SOX6: variants seen among roughly 807,000 people sequenced by gnomAD.
SOX6 encodes the protein transcription factor SOX-6.
A neutral mutation model predicts 97.8 loss-of-function variants in SOX6; 11 were observed. The ratio of observed to expected loss-of-function variants is 0.11; its 90% confidence interval spans 0.07 to 0.19. The LOEUF is 0.19. Ranked by LOEUF, SOX6 falls within the 10% of genes least tolerant of loss-of-function variation. The probability of loss-of-function intolerance (pLI) is 1.00; values close to 1 mark genes in which losing one functional copy is unlikely to be tolerated. For missense variants in SOX6, 810 were observed against 1,039.5 expected (o/e 0.78, Z 3.04); for synonymous variants, 360 against 371.4 (o/e 0.97, Z 0.35).
At chr11:16,614,054 G>C (rs990629623) in intron 3 of SOX6, among the ~76,000 whole-genome samples, 3 of 152,196 alleles carry the variant, frequency 2.0e-5, no homozygotes, top group Non-Finnish European at 4.4e-5. Context: ...GCCGGGAATC[G>C]AGCGAAGGCG....
chr11:16,111,899 T>C lies in SOX6; in HGVS notation c.802A>G (p.Met268Val). ...TGGTCATGTGGAAAAATTGGGATCA[T>C]GAGCGGAGGCATGTGACCCTGAACC... is the stretch of plus-strand genomic sequence containing the variant. ...IQVQGHMPPL[M>V]IPIFPHDQRT... Residue 268 changes from methionine to valine, a missense_variant, in exon 7 of 16, where the codon ATG (methionine) becomes GTG (valine). Coordinates refer to ENST00000683767, the MANE Select transcript of SOX6 (RefSeq NM_001367873.1). 6 of 1,612,446 alleles carry C rather than the reference T, an allele frequency of 3.7e-6. No individual in the cohort carries two copies. Among genetic ancestry groups the C allele is most frequent in the South Asian group, 1.1e-5 (1 of 90,998 alleles).
At chr11:16,608,308 CAGA>C (rs1454021245) in intron 4 of SOX6, among the ~76,000 whole-genome samples, 3 of 151,954 alleles carry the variant, frequency 2.0e-5, no homozygotes, top group Non-Finnish European at 4.4e-5. Flanking sequence ...AGTTAGGTGA[CAGA>C]AGGAGGCATG....
chr11:16,638,565 T>C lies in SOX6; in HGVS notation n.430-26305A>G, dbSNP rs574480898. Among the ~76,000 whole-genome samples the C allele has an allele frequency of 2.0e-5, 3 of 152,286 alleles. No homozygotes were observed. The South Asian group carries it at 6.2e-4, about 32-fold the overall frequency. ...GTAAAAGTGTTCCTATTTCTCCACA[T>C]CCTCTCCAGCACCTGTTGTTTCCTG... On this transcript the variant is annotated intron_variant and non_coding_transcript_variant, in intron 3 of 5. Coordinates refer to the SOX6 transcript ENST00000524520.
intron 2 of SOX6, among the ~76,000 whole-genome samples, chr11:16,727,069 C>A (rs1390253538): frequency 1.3e-5 from 2 of 151,994 alleles, no homozygotes; most frequent in South Asian, 4.1e-4. Flanking sequence ...TCAGATAATT[C>A]AAAGTTCAAA....
At chr11:16,141,529 G>A (rs1202930115) in intron 6 of SOX6, among the ~76,000 whole-genome samples, 1 of 152,112 alleles carries the variant, frequency 6.6e-6, no homozygotes, top group Non-Finnish European at 1.5e-5. Context: ...AGGACACTGG[G>A]TGCAGCTCAC....
intron 1 of SOX6, chr11:16,433,999 A>G (rs1179446380): frequency 6.6e-6 from 1 of 152,094 alleles, no homozygotes; most frequent in African/African-American, 2.4e-5. Flanking sequence ...CTTAGGCCAC[A>G]TCACTTTCTC....
chr11:16,423,820 G>C (rs1859068960), intron 1 of SOX6, among the ~76,000 whole-genome samples: 1 of 152,134 alleles, frequency 6.6e-6, no homozygotes, highest in African/African-American at 2.4e-5. Context: ...CTCCTAGAAA[G>C]TACAGAGTGA....
chr11:16,525,342 T>C (rs1360438956), intron 4 of SOX6, among the ~76,000 whole-genome samples: 2 of 150,450 alleles, frequency 1.3e-5, no homozygotes, highest in Admixed American at 6.6e-5. Flanking sequence ...TCTACAACTA[T>C]CTGATCTTTG....
chr11:16,621,679 C>T (rs1026946796), intron 3 of SOX6, among the ~76,000 whole-genome samples: 1 of 152,154 alleles, frequency 6.6e-6, no homozygotes, highest in African/African-American at 2.4e-5. Flanking sequence ...AATCATTCAA[C>T]TGCAGAATTT....
At chr11:16,309,681 T>G (rs1417171149) in intron 3 of SOX6, among the ~76,000 whole-genome samples, 5 of 152,114 alleles carry the variant, frequency 3.3e-5, no homozygotes, top group Non-Finnish European at 7.4e-5. Context: ...TATCAAATAT[T>G]ACATAATAAA....
At chr11:16,087,065 C>T (rs1439666178) in intron 9 of SOX6, among the ~76,000 whole-genome samples, 1 of 152,064 alleles carries the variant, frequency 6.6e-6, no homozygotes, top group Non-Finnish European at 1.5e-5. Context: ...TATTACAGTC[C>T]TATTTTGTTT....
intron 12 of SOX6, among the ~76,000 whole-genome samples, chr11:16,032,976 C>T (rs1267251160): frequency 1.3e-5 from 2 of 152,136 alleles, no homozygotes; most frequent in Non-Finnish European, 2.9e-5. Context: ...CTTAATTAGC[C>T]TTACGACACT....
chr11:16,371,007 G>C (rs1857481729), intron 1 of SOX6, among the ~76,000 whole-genome samples: 2 of 152,012 alleles, frequency 1.3e-5, no homozygotes, highest in South Asian at 2.1e-4. Flanking sequence ...ACATGAGTCA[G>C]ATCATACCAC....
At chr11:16,735,123 T>C (rs1006538761) in intron 2 of SOX6, among the ~76,000 whole-genome samples, 3 of 152,168 alleles carry the variant, frequency 2.0e-5, no homozygotes, top group African/African-American at 4.8e-5. Context: ...ATAAAATGAA[T>C]TTAAATGGAG....
At chr11:16,728,798 A>C (rs566669444) in intron 2 of SOX6, among the ~76,000 whole-genome samples, 1 of 152,298 alleles carries the variant, frequency 6.6e-6, no homozygotes, top group South Asian at 2.1e-4. Context: ...CTAAAGGAGG[A>C]TGTTCTAACC....
At position 15,970,107 on chromosome 11, in the gene SOX6, C is replaced by T. The variant is rs758633538; in HGVS notation, c.*2702G>A. On this transcript the variant is annotated 3_prime_UTR_variant, in exon 16 of 16. Coordinates refer to ENST00000683767, the MANE Select transcript of SOX6 (RefSeq NM_001367873.1). ...AACTGTGAGGCAAGCCCACACGAGT[C>T]GAAACAGATGACTTTTGTTCATGTA... 2 of 152,182 alleles carry T rather than the reference C, an allele frequency of 1.3e-5. No individual in the cohort carries two copies. Among genetic ancestry groups the T allele is most frequent in the African/African-American group, 4.8e-5 (2 of 41,428 alleles). The allele number at this position is 152,182 out of a possible 1,614,324, so 9.4% of individuals were successfully genotyped here. A position where few individuals can be genotyped will look rare whatever the true frequency, so the allele number is the denominator to read the frequency against.
chr11:16,427,557 C>A (rs1037535283), intron 1 of SOX6, among the ~76,000 whole-genome samples: 5 of 151,740 alleles, frequency 3.3e-5, no homozygotes, highest in Admixed American at 6.6e-5. Flanking sequence ...TCAATTCCCA[C>A]CTATGAGTGA....
intron 1 of SOX6, among the ~76,000 whole-genome samples, chr11:16,399,688 T>C (rs1239968638): frequency 6.6e-6 from 1 of 151,456 alleles, no homozygotes; most frequent in Non-Finnish European, 1.5e-5. Flanking sequence ...GCCTTAAGGT[T>C]CTTAACAGAA....
intron 3 of SOX6, among the ~76,000 whole-genome samples, chr11:16,622,141 T>C (rs1848553394): frequency 6.6e-6 from 1 of 152,204 alleles, no homozygotes; most frequent in South Asian, 2.1e-4. Flanking sequence ...TACCACACCT[T>C]TCCCCACCCT....
Sources: allele counts gnomAD v4.1 joint callset (sites outside exome capture counted in the v4.1 genomes callset), GRCh38; gene constraint gnomAD v4.1.1; transcripts MANE v1.5; gene names NCBI Gene and HGNC (gene_info 2026-07-23, HGNC 2026-07-21).